The following ROBO2 variants were observed in gnomAD, a reference collection of about 807,000 sequenced individuals.
The protein encoded by ROBO2 is roundabout homolog 2.
ROBO2 carries 53 observed loss-of-function variants against 160.8 expected under a neutral mutation model. The observed-to-expected ratio is 0.33, with a 90% CI of 0.26 to 0.41. The LOEUF (loss-of-function observed/expected upper bound fraction) is 0.41. Among genes scored for constraint, ROBO2 ranks in the 10% least tolerant of loss-of-function variants. ROBO2 has a pLI of 1.00. For synonymous variants in ROBO2, 664 were observed against 611.7 expected, an observed-to-expected ratio of 1.09 and a Z score of -1.26; for missense variants, 1,577 against 1,722.4, an observed-to-expected ratio of 0.92 and a Z score of 1.49.
chr3:77,175,683 A>T (rs527428793), intron 2 of ROBO2, among the ~76,000 whole-genome samples: 1 of 152,064 alleles, frequency 6.6e-6, no homozygotes, highest in African/African-American at 2.4e-5. Flanking sequence ...CATTTACAGG[A>T]TTGGCCAAGC....
intron 2 of ROBO2, among the ~76,000 whole-genome samples, chr3:76,238,252 C>T (rs1705068365): frequency 6.6e-6 from 1 of 152,140 alleles, no homozygotes; most frequent in Non-Finnish European, 1.5e-5. Flanking sequence ...GTTTAATTGA[C>T]TCACAGTTGA....
At chr3:76,573,639 T>C (rs1435402422) in intron 2 of ROBO2, among the ~76,000 whole-genome samples, 2 of 152,200 alleles carry the variant, frequency 1.3e-5, no homozygotes, top group East Asian at 1.9e-4. Flanking sequence ...TATTACTTTT[T>C]TGAACCAGCA....
At chr3:76,546,809 A>C (rs1295710676) in intron 2 of ROBO2, among the ~76,000 whole-genome samples, 1 of 151,676 alleles carries the variant, frequency 6.6e-6, no homozygotes, top group African/African-American at 2.4e-5. Flanking sequence ...TAAGTCTAAC[A>C]CTTGATTTTT....
chr3:77,592,123 A>G (rs1262222791), intron 17 of ROBO2, among the ~76,000 whole-genome samples: 1 of 152,182 alleles, frequency 6.6e-6, no homozygotes, highest in East Asian at 1.9e-4. Flanking sequence ...TAAAAACACA[A>G]CTAAATAACC....
intron 2 of ROBO2, among the ~76,000 whole-genome samples, chr3:76,068,897 C>T (rs1226632421): frequency 1.3e-5 from 2 of 152,176 alleles, no homozygotes; most frequent in Non-Finnish European, 2.9e-5. Flanking sequence ...ATATTTGTCA[C>T]TTGGGTTCCA....
chr3:76,495,422 A>T (rs891352507), intron 2 of ROBO2, among the ~76,000 whole-genome samples: 2 of 152,052 alleles, frequency 1.3e-5, no homozygotes, highest in African/African-American at 2.4e-5. Flanking sequence ...CATATTCAGT[A>T]AGTGAAAAGC....
chr3:76,553,580 T>C (rs1481215197), intron 2 of ROBO2, among the ~76,000 whole-genome samples: 10 of 152,208 alleles, frequency 6.6e-5, no homozygotes, highest in Non-Finnish European at 1.2e-4. Flanking sequence ...ATTACACTTA[T>C]GTGAAATGAA....
chr3:76,786,294 T>C (rs191399103), intron 2 of ROBO2, among the ~76,000 whole-genome samples: 2 of 151,370 alleles, frequency 1.3e-5, no homozygotes, highest in Admixed American at 1.3e-4. Flanking sequence ...TATTAGTCCA[T>C]TATCGCACCA....
At chr3:76,404,363 G>A (rs901002852) in intron 2 of ROBO2, among the ~76,000 whole-genome samples, 4 of 151,592 alleles carry the variant, frequency 2.6e-5, no homozygotes, top group Admixed American at 6.6e-5. Flanking sequence ...GGCTTTGGAA[G>A]CTGTTCAGTT....
intron 2 of ROBO2, among the ~76,000 whole-genome samples, chr3:77,008,599 A>G (rs1012831191): frequency 1.3e-5 from 2 of 152,148 alleles, no homozygotes; most frequent in African/African-American, 4.8e-5. Flanking sequence ...GAAAGAATAG[A>G]TTCCTTTGGA....
chr3:77,019,070 A>G (rs1342056948), intron 2 of ROBO2, among the ~76,000 whole-genome samples: 1 of 152,204 alleles, frequency 6.6e-6, no homozygotes, highest in African/African-American at 2.4e-5. Context: ...AGGATTTAGC[A>G]TGGGTTTCGG....
At chr3:77,528,490 A>G (rs1395456811) in intron 6 of ROBO2, among the ~76,000 whole-genome samples, 2 of 151,668 alleles carry the variant, frequency 1.3e-5, no homozygotes, top group Admixed American at 1.3e-4. Flanking sequence ...TTACATTGTC[A>G]GCAAACACGG....
intron 2 of ROBO2, among the ~76,000 whole-genome samples, chr3:76,612,139 T>C (rs946033221): frequency 1.3e-5 from 2 of 152,196 alleles, no homozygotes; most frequent in Admixed American, 1.3e-4. Context: ...ATTTCAGTAG[T>C]TTTGAATTTT....
intron 2 of ROBO2, among the ~76,000 whole-genome samples, chr3:76,709,123 C>T (rs2093234317): frequency 6.6e-6 from 1 of 152,004 alleles, no homozygotes; most frequent in African/African-American, 2.4e-5. Context: ...TGAAGATATC[C>T]AATAGTACCA....
At chr3:75,954,710 T>C (rs1380958665) in intron 2 of ROBO2, among the ~76,000 whole-genome samples, 1 of 151,912 alleles carries the variant, frequency 6.6e-6, no homozygotes, top group African/African-American at 2.4e-5. Context: ...TTGCCAAGGA[T>C]AGTAAAACTC....
At chr3:76,085,154 TATATG>T (rs1559899180) in intron 2 of ROBO2, among the ~76,000 whole-genome samples, 3 of 151,828 alleles carry the variant, frequency 2.0e-5, no homozygotes, top group Non-Finnish European at 4.4e-5. Flanking sequence ...CGTATATACA[TATATG>T]ATATATATGC....
chr3:76,645,367 A>G (rs1486011608), intron 2 of ROBO2, among the ~76,000 whole-genome samples: 3 of 152,212 alleles, frequency 2.0e-5, no homozygotes, highest in Non-Finnish European at 4.4e-5. Flanking sequence ...GCTGTAGAAT[A>G]TATGAACTTA....
intron 2 of ROBO2, among the ~76,000 whole-genome samples, chr3:77,004,378 T>C (rs142159895): frequency 6.6e-6 from 1 of 152,326 alleles, no homozygotes; most frequent in East Asian, 1.9e-4. Context: ...TTTAGTTCTT[T>C]GTTGCTTGCT....
chr3:77,324,090 C>T lies in ROBO2; in HGVS notation c.389-153324C>T, dbSNP rs62251226. ...TCCCAATTTGCTGCTTGGGACAGTC[C>T]ACAGTGAGACTTTAGATTAATGGTC... On this transcript the variant is annotated intron_variant, in intron 2 of 25. Coordinates refer to ENST00000461745, the Ensembl canonical transcript of ROBO2. Among the ~76,000 whole-genome samples the T allele has an allele frequency of 2.6e-3, 391 of 152,172 alleles. 2 individuals are homozygous for T. The highest frequency in any genetic ancestry group is 0.014 in the Middle Eastern group (4 of 294).
Sources: gnomAD v4.1 joint callset for allele counts (sites outside exome capture counted in the v4.1 genomes callset) on GRCh38, gnomAD v4.1.1 for gene constraint, MANE v1.5 for transcripts, NCBI Gene and HGNC (gene_info 2026-07-23, HGNC 2026-07-21) for gene names.